Variants in FUT8 observed in about 807,000 individuals in gnomAD.
FUT8 encodes fucosyltransferase 8.
Under a neutral mutation model 71.3 loss-of-function variants are expected in FUT8, and 29 were observed. The ratio of observed to expected loss-of-function variants is 0.41; its 90% CI spans 0.30 to 0.55. FUT8 has a LOEUF of 0.55. Ranked by LOEUF, FUT8 falls within the 20% of genes least tolerant of loss-of-function variation. The probability of loss-of-function intolerance (pLI) is 0.34; values close to 1 mark genes in which losing one functional copy is unlikely to be tolerated. For synonymous variants in FUT8, 254 were observed against 239.3 expected (o/e 1.06, Z -0.57); for missense variants, 544 against 702.1 (o/e 0.77, Z 2.55).
chr14:65,720,518 A>G (rs923634564), intron 7 of FUT8, among the ~76,000 whole-genome samples: 2 of 152,142 alleles, frequency 1.3e-5, no homozygotes, highest in African/African-American at 4.8e-5. Context: ...TTCCCTCTCT[A>G]CTGCTCAAGT....
chr14:65,371,298 C>T, the FUT8 span, among the ~76,000 whole-genome samples: 5 of 152,224 alleles, frequency 3.3e-5, no homozygotes, highest in Admixed American at 3.3e-4. Context: ...TATCACCCTA[C>T]AAATTTTAAT....
chr14:65,549,159 A>G (rs548410469), intron 2 of FUT8, among the ~76,000 whole-genome samples: 2 of 152,292 alleles, frequency 1.3e-5, no homozygotes, highest in African/African-American at 4.8e-5. Context: ...CCACTTTGGA[A>G]TAGAGTTTGG....
chr14:65,634,159 G>T (rs1249396146), intron 6 of FUT8, among the ~76,000 whole-genome samples: 1 of 151,994 alleles, frequency 6.6e-6, no homozygotes, highest in African/African-American at 2.4e-5. Flanking sequence ...AAATCGGATG[G>T]TTGCCGTGTC....
intron 2 of FUT8, among the ~76,000 whole-genome samples, chr14:65,543,059 G>GCCACC (rs2139969722): frequency 6.6e-6 from 1 of 152,306 alleles, no homozygotes; most frequent in Admixed American, 6.5e-5. Flanking sequence ...TGGGATTACA[G>GCCACC]GCGTGAGCCA....
intron 2 of FUT8, among the ~76,000 whole-genome samples, chr14:65,474,573 G>A (rs2066205918): frequency 1.3e-5 from 2 of 151,648 alleles, no homozygotes; most frequent in Non-Finnish European, 2.9e-5. Flanking sequence ...CACTCTAAGA[G>A]CAAAACTCTG....
intron 3 of FUT8, among the ~76,000 whole-genome samples, chr14:65,597,973 A>G (rs1191489078): frequency 1.3e-5 from 2 of 152,144 alleles, no homozygotes; most frequent in Non-Finnish European, 2.9e-5. Context: ...GTTGGAAACC[A>G]GTCTGGGCTA....
intron 6 of FUT8, among the ~76,000 whole-genome samples, chr14:65,665,840 C>T (rs1892185707): frequency 2.0e-5 from 3 of 152,032 alleles, no homozygotes; most frequent in Non-Finnish European, 4.4e-5. Context: ...AAACAGAAAA[C>T]CAAATACTGC....
rs1327834354 is a variant in FUT8, at chr14:65,611,189, A to ACG, written c.204-4788_204-4787insGC. ...TTGTTACATTTTAAGTGTCATACAC[A>ACG]CACACACACGCGCGCGCGCGCGCGC... On this transcript the variant is annotated intron_variant, in intron 3 of 10. Coordinates refer to ENST00000673929, the MANE Select transcript of FUT8 (RefSeq NM_001371533.1). Among the ~76,000 whole-genome samples the ACG allele has an allele frequency of 2.6e-3, 29 of 10,960 alleles. No individual in the cohort carries two copies. In the East Asian group the frequency reaches 0.033, roughly 12 times the overall value. 7.2% of individuals were successfully genotyped at this position (10,960 alleles called of 152,430 possible).
At chr14:65,375,094 G>T in the FUT8 span, among the ~76,000 whole-genome samples, 1 of 152,040 alleles carries the variant, frequency 6.6e-6, no homozygotes, top group South Asian at 2.1e-4. Flanking sequence ...TTAAGTGGAA[G>T]GTGAGAAATC....
intron 2 of FUT8, among the ~76,000 whole-genome samples, chr14:65,493,430 G>A (rs1344679116): frequency 1.3e-5 from 2 of 152,052 alleles, no homozygotes; most frequent in Non-Finnish European, 2.9e-5. Flanking sequence ...AGAACCTGTT[G>A]ATGGGGAAGC....
chr14:65,665,612 A>G (rs1481600584), intron 6 of FUT8, among the ~76,000 whole-genome samples: 1 of 152,184 alleles, frequency 6.6e-6, no homozygotes, highest in East Asian at 1.9e-4. Context: ...AAATCATTCT[A>G]CCGTAAAGAT....
chr14:65,724,127 A>T lies in FUT8; in HGVS notation c.1083-20A>T, dbSNP rs1331754827. 8 of 1,547,608 alleles carry T rather than the reference A, an allele frequency of 5.2e-6. No homozygotes were observed. The highest frequency in any genetic ancestry group is 6.1e-6 in the Non-Finnish European group (7 of 1,148,892). On this transcript the variant is annotated intron_variant, in intron 8 of 10. Transcript: ENST00000673929. ...CCCAGTGTCAGTACATTACCAGTAGAATCTGAATTTCTCCCCCAGAGTCCA... is the reference window on the plus strand; with the variant it reads ...CCCAGTGTCAGTACATTACCAGTAGTATCTGAATTTCTCCCCCAGAGTCCA...
chr14:65,613,102 T>C (rs1312094392), intron 3 of FUT8, among the ~76,000 whole-genome samples: 3 of 152,172 alleles, frequency 2.0e-5, no homozygotes, highest in Admixed American at 6.5e-5. Context: ...CTAATTCCAT[T>C]ATGTTTTATT....
Position 65,508,491 on chromosome 14 carries a change from G to GTTTTTTTTTT in FUT8, c.-228+52790_-228+52799dup, listed in dbSNP as rs34809476. On this transcript the variant is annotated intron_variant, in intron 2 of 10. Coordinates refer to ENST00000673929, the MANE Select transcript of FUT8 (RefSeq NM_001371533.1). ...AATTTTTTCCTGTAGAGTTGTTTGA[G>GTTTTTTTTTT]TTTTTTTTTTTTTTTTTTTTTTTTT... Among the ~76,000 whole-genome samples the GTTTTTTTTTT allele has an allele frequency of 2.8e-4, 13 of 46,498 alleles. 6 individuals are homozygous for GTTTTTTTTTT. The highest frequency in any genetic ancestry group is 3.5e-4 in the Non-Finnish European group (9 of 25,870). 30.5% of individuals were successfully genotyped at this position (46,498 alleles called of 152,430 possible). A position where few individuals can be genotyped will look rare whatever the true frequency, so the allele number is the denominator to read the frequency against.
chr14:65,470,823 C>T (rs2066132644), intron 2 of FUT8, among the ~76,000 whole-genome samples: 1 of 151,946 alleles, frequency 6.6e-6, no homozygotes, highest in Non-Finnish European at 1.5e-5. Context: ...CCCTGAAGCT[C>T]AGCCTCAGCT....
intron 1 of FUT8, among the ~76,000 whole-genome samples, chr14:65,421,215 AAT>A (rs1159093481): frequency 1.3e-5 from 2 of 150,592 alleles, no homozygotes; most frequent in Middle Eastern, 3.2e-3. Context: ...AAAAAAAAAA[AAT>A]CATAAGGAAG....
chr14:65,450,247 A>G (rs947288330), intron 1 of FUT8, among the ~76,000 whole-genome samples: 3 of 152,164 alleles, frequency 2.0e-5, no homozygotes, highest in Admixed American at 2.0e-4. Flanking sequence ...TCTGTTCAAT[A>G]TTACAGATTG....
intron 2 of FUT8, among the ~76,000 whole-genome samples, chr14:65,530,284 A>C (rs1883852197): frequency 6.6e-6 from 1 of 152,180 alleles, no homozygotes; most frequent in Non-Finnish European, 1.5e-5. Context: ...AGGCAATTAT[A>C]GGGCTCACCT....
intron 7 of FUT8, among the ~76,000 whole-genome samples, chr14:65,685,977 T>A (rs965002254): frequency 6.6e-6 from 1 of 152,174 alleles, no homozygotes; most frequent in Non-Finnish European, 1.5e-5. Context: ...TACTGTGATT[T>A]AGAATACCTG....
Sources: allele counts gnomAD v4.1 joint callset (sites outside exome capture counted in the v4.1 genomes callset), GRCh38; gene constraint gnomAD v4.1.1; transcripts MANE v1.5; gene names NCBI Gene and HGNC (gene_info 2026-07-23, HGNC 2026-07-21).